Variants in SPOPL observed in about 807,000 individuals in gnomAD.
The protein encoded by SPOPL is speckle-type POZ protein-like.
In SPOPL, 23 loss-of-function variants were observed where a neutral mutation model predicts 53.8. The ratio of observed to expected loss-of-function variants is 0.43; its 90% confidence interval spans 0.31 to 0.61. The LOEUF (loss-of-function observed/expected upper bound fraction) is 0.61, where lower values mean the gene tolerates loss of function less well. Ranked by LOEUF, SPOPL falls within the 20% of genes least tolerant of loss-of-function variation. The probability of loss-of-function intolerance (pLI) is 0.12; values close to 1 mark genes in which losing one functional copy is unlikely to be tolerated. For synonymous variants in SPOPL, 164 were observed against 149.7 expected (o/e 1.10, Z -0.70); for missense variants, 442 against 466.9 (o/e 0.95, Z 0.49).
Position 138,572,996 on chromosome 2 carries a change from T to A in SPOPL, c.*3916T>A, listed in dbSNP as rs1047696947. On this transcript the variant is annotated 3_prime_UTR_variant, in exon 11 of 11. Coordinates refer to ENST00000280098, the MANE Select transcript of SPOPL (RefSeq NM_001001664.3). ...CAGTTTTAAAAAATGAAGATGTAAC[T>A]TACCTGAGTCTCATTTTTGAAAATG... 2 of 152,292 alleles carry A rather than the reference T, an allele frequency of 1.3e-5. No individual in the cohort carries two copies. The highest frequency in any genetic ancestry group is 6.5e-5 in the Admixed American group (1 of 15,278). The allele number at this position is 152,292 out of a possible 1,614,324, so 9.4% of individuals were successfully genotyped here.
At chr2:138,543,662 T>A (rs1013520919) in intron 1 of SPOPL, among the ~76,000 whole-genome samples, 7 of 152,146 alleles carry the variant, frequency 4.6e-5, no homozygotes, top group African/African-American at 1.7e-4. Context: ...GTTTTTAACT[T>A]CTTTGCCATG....
At position 138,536,652 on chromosome 2, in the gene SPOPL, T is replaced by G. The variant is rs191106791; in HGVS notation, c.-60-13505T>G. Among the ~76,000 whole-genome samples, 425 of 149,040 alleles carry G rather than the reference T, an allele frequency of 2.9e-3. 1 individual carries two copies. Among genetic ancestry groups the G allele is most frequent in the Non-Finnish European group, 4.7e-3 (319 of 67,662 alleles). ...CTCCTCTCAGCTGTGTCTTTTCCTG[T>G]TTTTTTTTGGGCAAATCAGCTGTCC... is the stretch of plus-strand genomic sequence containing the variant. On this transcript the variant is annotated intron_variant, in intron 1 of 10. Coordinates refer to ENST00000280098, the MANE Select transcript of SPOPL (RefSeq NM_001001664.3).
chr2:138,567,372 AGTGTGTGTGTGTGTGTGTGTGTGTGT>A (rs57208490), intron 10 of SPOPL, among the ~76,000 whole-genome samples: 1,815 of 113,042 alleles, frequency 0.016, 26 homozygotes, highest in Non-Finnish European at 0.026. Flanking sequence ...AGAGCAGTAT[AGTGTGTGTGTGTGTGTGTGTGTGTGT>A]GTGTGTGTGT....
At chr2:138,504,565 A>G (rs1184166240) in intron 1 of SPOPL, among the ~76,000 whole-genome samples, 13 of 152,226 alleles carry the variant, frequency 8.5e-5, no homozygotes, top group Non-Finnish European at 1.6e-4. Context: ...TTCTTTCCAA[A>G]AATATTTAAT....
chr2:138,539,227 T>C (rs557615101), intron 1 of SPOPL, among the ~76,000 whole-genome samples: 11 of 152,342 alleles, frequency 7.2e-5, no homozygotes, highest in South Asian at 4.1e-4. Flanking sequence ...CATGTGTCTT[T>C]ATAGCAGCAT....
chr2:138,530,015 CT>C (rs1245839755), intron 1 of SPOPL, among the ~76,000 whole-genome samples: 2 of 152,038 alleles, frequency 1.3e-5, no homozygotes, highest in African/African-American at 2.4e-5. Flanking sequence ...TTGTTTCCTG[CT>C]ATGTGTCCAT....
At chr2:138,509,646 G>A (rs1684287467) in intron 1 of SPOPL, among the ~76,000 whole-genome samples, 2 of 152,062 alleles carry the variant, frequency 1.3e-5, no homozygotes, top group South Asian at 2.1e-4. Context: ...AAGAAGTTGA[G>A]CAGAATCTAC....
chr2:138,506,824 T>C (rs938413888), intron 1 of SPOPL, among the ~76,000 whole-genome samples: 10 of 152,138 alleles, frequency 6.6e-5, no homozygotes, highest in African/African-American at 1.4e-4. Flanking sequence ...CAGTTTATAA[T>C]TGATGTCTGG....
At chr2:138,534,206 A>T (rs1437409702) in intron 1 of SPOPL, among the ~76,000 whole-genome samples, 3 of 152,186 alleles carry the variant, frequency 2.0e-5, no homozygotes, top group Non-Finnish European at 4.4e-5. Flanking sequence ...AAGGTGTTTT[A>T]TAGAGTTGAC....
chr2:138,537,160 C>CCAAA (rs779836610), intron 1 of SPOPL, among the ~76,000 whole-genome samples: 1 of 152,060 alleles, frequency 6.6e-6, no homozygotes, highest in Non-Finnish European at 1.5e-5. Context: ...GCAGCATGAG[C>CCAAA]CAAACAAACA....
chr2:138,556,635 G>C (rs1241603598), intron 5 of SPOPL, among the ~76,000 whole-genome samples: 4 of 152,150 alleles, frequency 2.6e-5, no homozygotes, highest in African/African-American at 9.7e-5. Context: ...GTAAGGATTA[G>C]TGAAACTTTT....
At chr2:138,521,828 C>G (rs561058692) in intron 1 of SPOPL, among the ~76,000 whole-genome samples, 3 of 152,156 alleles carry the variant, frequency 2.0e-5, no homozygotes, top group South Asian at 4.1e-4. Context: ...TAAGACCCCC[C>G]AAAAAAGAAG....
chr2:138,532,114 T>C (rs1486365935), intron 1 of SPOPL, among the ~76,000 whole-genome samples: 2 of 152,214 alleles, frequency 1.3e-5, no homozygotes, highest in Non-Finnish European at 2.9e-5. Context: ...CTCTAATCCT[T>C]GTCTTGTTTG....
chr2:138,506,321 C>T (rs1684215553), intron 1 of SPOPL, among the ~76,000 whole-genome samples: 1 of 152,160 alleles, frequency 6.6e-6, no homozygotes, highest in Non-Finnish European at 1.5e-5. Context: ...TGTAAACGTT[C>T]CTAAATGCTT....
chr2:138,552,811 A>G lies in SPOPL; in HGVS notation c.480+130A>G, dbSNP rs114850795. ...ATTGAGTTTCATTTGTAAATTCTTG[A>G]CTAGAAAAAGCTTAGAAAATTCTTG... On this transcript the variant is annotated intron_variant, in intron 5 of 10. Coordinates refer to ENST00000280098, the MANE Select transcript of SPOPL (RefSeq NM_001001664.3). 5.5e-4 allele frequency: 629 copies of G among 1,139,462 alleles called. 5 individuals are homozygous for G. In the African/African-American group the frequency reaches 9.2e-3, roughly 17 times the overall value. 70.6% of individuals were successfully genotyped at this position (1,139,462 alleles called of 1,614,324 possible).
chr2:138,503,933 T>C (rs1371785885), intron 1 of SPOPL, among the ~76,000 whole-genome samples: 1 of 152,220 alleles, frequency 6.6e-6, no homozygotes, highest in Admixed American at 6.5e-5. Flanking sequence ...TGTTCATTCA[T>C]ATTCACATGT....
intron 1 of SPOPL, among the ~76,000 whole-genome samples, chr2:138,519,565 T>G (rs940981284): frequency 6.6e-6 from 1 of 152,130 alleles, no homozygotes. Flanking sequence ...GAATAAAGTT[T>G]AGGTGGGAGG....
At chr2:138,556,107 T>A (rs1438158885) in intron 5 of SPOPL, among the ~76,000 whole-genome samples, 1 of 152,204 alleles carries the variant, frequency 6.6e-6, no homozygotes, top group East Asian at 1.9e-4. Flanking sequence ...TAATTTATGT[T>A]CTATAAGAAG....
chr2:138,535,836 C>G (rs1684919918), intron 1 of SPOPL, among the ~76,000 whole-genome samples: 1 of 151,744 alleles, frequency 6.6e-6, no homozygotes, highest in Non-Finnish European at 1.5e-5. Flanking sequence ...TCATATTTTT[C>G]TGTCTGGATT....
Sources: allele counts gnomAD v4.1 joint callset (sites outside exome capture counted in the v4.1 genomes callset), GRCh38; gene constraint gnomAD v4.1.1; transcripts MANE v1.5; gene names NCBI Gene and HGNC (gene_info 2026-07-23, HGNC 2026-07-21).